The following TYW1 variants were observed in gnomAD, a reference collection of about 807,000 sequenced individuals.
The protein encoded by TYW1 is tRNA-yW synthesizing protein 1 homolog, also known as S-adenosyl-L-methionine-dependent tRNA 4-demethylwyosine synthase TYW1.
A neutral mutation model predicts 96.2 loss-of-function variants in TYW1; 46 were observed. That is an observed-to-expected ratio of 0.48 (90% CI 0.38 to 0.61). The LOEUF is 0.61. Among genes scored for constraint, TYW1 ranks in the 20% least tolerant of loss-of-function variants. The probability of loss-of-function intolerance (pLI) is 0.00; values close to 1 mark genes in which losing one functional copy is unlikely to be tolerated. For missense variants in TYW1, 684 were observed against 909.6 expected (o/e 0.75, Z 3.19); for synonymous variants, 274 against 323.0 (o/e 0.85, Z 1.63).
At chr7:67,223,302 T>G (rs4718486) in intron 15 of TYW1, among the ~76,000 whole-genome samples, 40,540 of 151,754 alleles carry the variant, frequency 0.27, 5,786 homozygotes, top group African/African-American at 0.36. Flanking sequence ...GGCCACTGTG[T>G]GAATCAGATT....
chr7:67,027,858 A>G (rs548348553), intron 7 of TYW1, among the ~76,000 whole-genome samples: 3 of 148,852 alleles, frequency 2.0e-5, no homozygotes, highest in Non-Finnish European at 4.4e-5. Context: ...TGAACCCGGG[A>G]GGCAGAGCTT....
chr7:67,032,211 T>G (rs1165606353), intron 7 of TYW1, among the ~76,000 whole-genome samples: 2 of 152,210 alleles, frequency 1.3e-5, no homozygotes, highest in Non-Finnish European at 2.9e-5. Flanking sequence ...TGTTGTATTT[T>G]TATTTTATTT....
intron 11 of TYW1, among the ~76,000 whole-genome samples, chr7:67,087,675 AT>A (rs1178472522): frequency 1.3e-5 from 2 of 152,054 alleles, no homozygotes. Flanking sequence ...TCAGCAACAA[AT>A]TTGCTGGAAG....
At chr7:67,076,589 C>T (rs1055425071) in intron 10 of TYW1, among the ~76,000 whole-genome samples, 3 of 151,826 alleles carry the variant, frequency 2.0e-5, no homozygotes, top group Admixed American at 6.6e-5. Context: ...GATTCTTGTC[C>T]CTCAGCCTCC....
In TYW1 at chr7:67,098,658, T is replaced by A. The variant is rs1316121626; in HGVS notation, c.1502T>A (p.Leu501His). 6.2e-7 allele frequency: 1 copy of A among 1,614,136 alleles called. No homozygotes were observed. ...YPEINRFLKL[L>H]HQCKISSFLV... ...GAGATCAACAGGTTTTTGAAGCTAC[T>A]CCACCAGTGTAAAATTTCCAGCTTC... Residue 501 changes from leucine (L) to histidine (H), a missense_variant, in exon 12 of 16, where the codon CTC (leucine) becomes CAC (histidine). By Grantham distance (99) the Leu-to-His change is moderately conservative (BLOSUM62 -3). Transcript: ENST00000359626.
chr7:67,010,485 T>G (rs998643608), intron 4 of TYW1, among the ~76,000 whole-genome samples: 3 of 151,456 alleles, frequency 2.0e-5, no homozygotes, highest in Non-Finnish European at 2.9e-5. Context: ...AGATTTTTTT[T>G]TTTTTTTTGA....
At chr7:67,165,319 T>C (rs923396112) in intron 13 of TYW1, among the ~76,000 whole-genome samples, 5 of 152,180 alleles carry the variant, frequency 3.3e-5, no homozygotes, top group African/African-American at 1.2e-4. Flanking sequence ...TTAAAAGCTG[T>C]AATCCTGGGT....
intron 15 of TYW1, among the ~76,000 whole-genome samples, chr7:67,221,206 G>A (rs1345087612): frequency 1.3e-5 from 2 of 152,116 alleles, no homozygotes; most frequent in African/African-American, 2.4e-5. Context: ...ATAGTTATAT[G>A]TTCTTGCTCT....
At chr7:67,014,745 T>C (rs1361309409) in intron 5 of TYW1, among the ~76,000 whole-genome samples, 184 bp downstream of exon 5, 1 of 152,230 alleles carries the variant, frequency 6.6e-6, no homozygotes, top group African/African-American at 2.4e-5. Flanking sequence ...AATTGATTGA[T>C]TGAGATAGAG....
At chr7:67,074,829 G>T (rs1796153961) in intron 10 of TYW1, among the ~76,000 whole-genome samples, 1 of 150,962 alleles carries the variant, frequency 6.6e-6, no homozygotes. Context: ...ATATGACAGT[G>T]GGTTTTTTTT....
chr7:67,119,156 C>T (rs1304187518), intron 13 of TYW1, among the ~76,000 whole-genome samples: 4 of 151,760 alleles, frequency 2.6e-5, no homozygotes, highest in African/African-American at 9.7e-5. Flanking sequence ...CTTTCTGTCA[C>T]TTTTCTAAGC....
chr7:67,194,011 G>A (rs1391283476), intron 14 of TYW1, among the ~76,000 whole-genome samples: 1 of 152,064 alleles, frequency 6.6e-6, no homozygotes, highest in Non-Finnish European at 1.5e-5. Flanking sequence ...AGAGCCCACA[G>A]AGTTAAGATT....
At chr7:67,220,302 C>G (rs1366145240) in intron 15 of TYW1, among the ~76,000 whole-genome samples, 1 of 147,472 alleles carries the variant, frequency 6.8e-6, no homozygotes, top group Non-Finnish European at 1.5e-5. Flanking sequence ...CTCCCGGGTT[C>G]ATGCCATTCT....
intron 3 of TYW1, among the ~76,000 whole-genome samples, chr7:67,002,323 A>G (rs1359537159): frequency 1.4e-5 from 2 of 147,742 alleles, no homozygotes; most frequent in Admixed American, 1.4e-4. Flanking sequence ...ATGAACCACT[A>G]TGCCCAGCCC....
chr7:67,190,121 G>C (rs1800162035), intron 14 of TYW1, among the ~76,000 whole-genome samples: 1 of 152,222 alleles, frequency 6.6e-6, no homozygotes, highest in Non-Finnish European at 1.5e-5. Context: ...GCTGTGTGTA[G>C]TGCTCAATCC....
intron 14 of TYW1, among the ~76,000 whole-genome samples, chr7:67,187,150 G>A (rs1443896652): frequency 2.8e-5 from 4 of 140,364 alleles, no homozygotes; most frequent in African/African-American, 8.0e-5. Context: ...TGCAACCGCC[G>A]CCTCCTGGGT....
At chr7:67,043,743 TC>T (rs1288242271) in intron 7 of TYW1, among the ~76,000 whole-genome samples, 1 of 152,114 alleles carries the variant, frequency 6.6e-6, no homozygotes, top group African/African-American at 2.4e-5. Flanking sequence ...TAGCAATGAG[TC>T]CCCATGTTAT....
intron 13 of TYW1, among the ~76,000 whole-genome samples, chr7:67,174,064 C>T (rs12533202): frequency 0.22 from 31,411 of 141,228 alleles, 3,732 homozygotes; most frequent in East Asian, 0.42. Flanking sequence ...CTCTATTGCA[C>T]AGTGCTGGTC....
chr7:67,224,213 C>T (rs546326239), intron 15 of TYW1, among the ~76,000 whole-genome samples: 12 of 152,292 alleles, frequency 7.9e-5, no homozygotes, highest in African/African-American at 1.4e-4. Context: ...CTGCAACCTC[C>T]GCCTCCCGGG....
Sources: allele counts gnomAD v4.1 joint callset (sites outside exome capture counted in the v4.1 genomes callset), GRCh38; gene constraint gnomAD v4.1.1; transcripts MANE v1.5; gene names NCBI Gene and HGNC (gene_info 2026-07-23, HGNC 2026-07-21).